The following TPM4 variants were observed in gnomAD, a reference collection of about 807,000 sequenced individuals.
TPM4 encodes tropomyosin 4, also known as tropomyosin alpha-4 chain.
A neutral mutation model predicts 35.8 loss-of-function variants in TPM4; 17 were observed. The observed-to-expected ratio is 0.47, with a 90% confidence interval of 0.32 to 0.71. The LOEUF is 0.71. TPM4 is among the 30% of genes least tolerant of loss of function. TPM4 has a pLI of 0.03. For missense variants in TPM4, 240 were observed against 320.9 expected, an observed-to-expected ratio of 0.75 and a Z score of 1.93; for synonymous variants, 120 against 122.9, an observed-to-expected ratio of 0.98 and a Z score of 0.15.
upstream of TPM4, among the ~76,000 whole-genome samples, chr19:16,072,014 G>A (rs974791069): frequency 2.6e-5 from 4 of 152,222 alleles, no homozygotes; most frequent in African/African-American, 7.2e-5. Context: ...TAAAGACGGG[G>A]TTTCACCATG....
intron 2 of TPM4, among the ~76,000 whole-genome samples, chr19:16,082,563 C>T (rs1376431609): frequency 4.6e-5 from 7 of 152,092 alleles, no homozygotes; most frequent in South Asian, 4.1e-4. Context: ...AAGAAACTTC[C>T]GACAGACAGA....
intron 2 of TPM4, among the ~76,000 whole-genome samples, chr19:16,069,469 G>A (rs1050188851): frequency 2.7e-3 from 11 of 4,060 alleles, no homozygotes; most frequent in Non-Finnish European, 4.8e-4. Flanking sequence ...GTGTGAATGT[G>A]TATGGATGAG....
intron 1 of TPM4, chr19:16,081,163 C>T: frequency 2.5e-6 from 1 of 397,878 alleles, no homozygotes; most frequent in Non-Finnish European, 4.4e-6. Flanking sequence ...ACTCACAGGA[C>T]ACAATGAGCC....
intron 7 of TPM4, chr19:16,095,651 C>A: frequency 1.0e-6 from 1 of 960,784 alleles, no homozygotes; most frequent in Non-Finnish European, 1.2e-6. Context: ...GAAAATTATG[C>A]CTACAGGATG....
intron 1 of TPM4, chr19:16,076,992 A>T: frequency 2.5e-6 from 1 of 402,560 alleles, no homozygotes; most frequent in Non-Finnish European, 3.8e-6. Flanking sequence ...CTCCGGGTGG[A>T]GAAGTGGAGC....
At chr19:16,082,193 A>C in intron 2 of TPM4, 147 bp downstream of exon 2, 1 of 1,130,524 alleles carries the variant, frequency 8.8e-7, no homozygotes, top group Non-Finnish European at 1.2e-6. Context: ...GCACTTTGTA[A>C]ACCATCACTC....
At chr19:16,085,357 G>A (rs572326948) in intron 2 of TPM4, among the ~76,000 whole-genome samples, 3 of 152,220 alleles carry the variant, frequency 2.0e-5, no homozygotes, top group East Asian at 1.9e-4. Flanking sequence ...GGGCTCAAGC[G>A]ATCCTCCTAC....
At position 16,070,585 on chromosome 19, in the gene TPM4, A is replaced by G. The variant is rs114347097; in HGVS notation, c.114+2847A>G. On this transcript the variant is annotated intron_variant, in intron 2 of 2. Transcript: ENST00000589897. The surrounding 1 kb of genome is among the most constrained non-coding windows in gnomAD (Gnocchi z 7.4). ...GTCGCTAGGTGTCCCGGACGCCTGCATGAGTGAGATACGGAAGTGACAGTA... is the reference window on the plus strand; with the variant it reads ...GTCGCTAGGTGTCCCGGACGCCTGCGTGAGTGAGATACGGAAGTGACAGTA... Among the ~76,000 whole-genome samples the G allele has an allele frequency of 7.9e-3, 1,204 of 152,286 alleles. 13 individuals carry two copies. Among genetic ancestry groups the G allele is most frequent in the African/African-American group, 0.028 (1,143 of 41,548 alleles).
chr19:16,082,113 C>A, intron 2 of TPM4, 67 bp downstream of exon 2: 1 of 1,535,734 alleles, frequency 6.5e-7, no homozygotes, highest in Non-Finnish European at 8.9e-7. Context: ...TGCTGCCGAC[C>A]TCGCAGAGCT....
chr19:16,082,069 G>A (rs1026362196), intron 2 of TPM4, 23 bp downstream of exon 2: 3 of 1,585,636 alleles, frequency 1.9e-6, no homozygotes, highest in Non-Finnish European at 2.6e-6. Flanking sequence ...TGAATCTGGT[G>A]GCATCCGTGT....
Position 16,076,607 on chromosome 19 carries a change from C to G in TPM4, c.42C>G (p.Ile14Met). 5 of 1,468,686 alleles carry G rather than the reference C, an allele frequency of 3.4e-6. No individual in the cohort carries two copies. The highest frequency in any genetic ancestry group is 3.6e-6 in the Non-Finnish European group (4 of 1,116,808). 91.0% of individuals were successfully genotyped at this position (1,468,686 alleles called of 1,614,324 possible). The change falls in exon 1 of 8, where the codon ATC (isoleucine) becomes ATG (methionine). Residue 14 changes from isoleucine (I) to methionine (M), a missense_variant. Coordinates refer to ENST00000643579, the MANE Select transcript of TPM4 (RefSeq NM_003290.3). Reference sequence around the variant, plus strand: ...CCCTGGAGGCGGTGAAACGCAAGATCCAGGCCCTGCAGCAGCAGGCGGACG... The same window carrying G: ...CCCTGGAGGCGGTGAAACGCAAGATGCAGGCCCTGCAGCAGCAGGCGGACG... Reference protein sequence around the residue: ...LNSLEAVKRKIQALQQQADEA... With the variant: ...LNSLEAVKRKMQALQQQADEA...
In TPM4 at chr19:16,067,624, C is replaced by T. The variant is rs745867717; in HGVS notation, c.-1C>T. On this transcript the variant is annotated 5_prime_UTR_variant, in exon 2 of 3. Transcript: ENST00000589897. This position sits in a 1 kb window ranked among gnomAD's most constrained non-coding sequence, Gnocchi z 4.1. ...CACGTCCCCCACGCCAGCGCCCAGC[C>T]ATGGAGGCCATCAAGAAGAAAATGC... 2.2e-5 allele frequency: 36 copies of T among 1,613,138 alleles called. No homozygotes were observed. Among genetic ancestry groups the T allele is most frequent in the Non-Finnish European group, 2.8e-5 (33 of 1,179,762 alleles).
At position 16,091,160 on chromosome 19, in the gene TPM4, C is replaced by T. The variant is rs532357603; in HGVS notation, c.531+2040C>T. 3.0e-4 allele frequency among the ~76,000 whole-genome samples: 46 copies of T among 152,290 alleles called. No individual in the cohort carries two copies. The South Asian group carries it at 9.5e-3, about 32-fold the overall frequency. On this transcript the variant is annotated intron_variant, in intron 5 of 7. Transcript: ENST00000643579. ...CTCCACCTCCTAGGCTCAAGCAATT[C>T]TCCTGCCTCAGCCTCCTGAGTAACT...
rs528461324 is a variant in TPM4, at chr19:16,080,519, G to T, written c.133-1394G>T. ...CCCAACACCACGTGGCTGTGAAAAT[G>T]ACAAAGCACGGTCGGGCGCAGTGGC... is the stretch of plus-strand genomic sequence containing the variant. On this transcript the variant is annotated intron_variant, in intron 1 of 7. Transcript: ENST00000643579. The T allele has an allele frequency of 5.6e-4, 108 of 192,316 alleles. 1 individual carries two copies. Among genetic ancestry groups the T allele is most frequent in the African/African-American group, 2.3e-3 (100 of 43,136 alleles). 11.9% of individuals were successfully genotyped at this position (192,316 alleles called of 1,614,324 possible).
intron 7 of TPM4, chr19:16,095,198 A>C: frequency 1.0e-6 from 1 of 998,630 alleles, no homozygotes; most frequent in Non-Finnish European, 1.2e-6. Context: ...GTGGCACTCC[A>C]TTCCGACCCT....
At chr19:16,081,614 T>A (rs564613165) in intron 1 of TPM4, 1 of 194,920 alleles carries the variant, frequency 5.1e-6, no homozygotes, top group East Asian at 1.1e-4. Flanking sequence ...CAGGATGGTC[T>A]CGATCTCTTG....
At chr19:16,076,482 C>T, upstream of TPM4, 3 of 1,330,430 alleles carry the variant, frequency 2.3e-6, no homozygotes, top group Non-Finnish European at 1.9e-6. Context: ...GCTTGGGGGG[C>T]CGGGGCGCGG....
chr19:16,073,966 A>AACACACAC (rs1568298151), upstream of TPM4, among the ~76,000 whole-genome samples: 4 of 140,808 alleles, frequency 2.8e-5, no homozygotes, highest in African/African-American at 7.7e-5. Flanking sequence ...AAAAACGCAA[A>AACACACAC]AAAAAAAAAT....
upstream of TPM4, chr19:16,076,414 C>A (rs2090405831): frequency 1.5e-6 from 2 of 1,353,852 alleles, no homozygotes; most frequent in South Asian, 1.9e-5. Context: ...CTCATCGCCC[C>A]GACGGCAGCC....
Sources: allele counts gnomAD v4.1 joint callset (sites outside exome capture counted in the v4.1 genomes callset), GRCh38; gene constraint gnomAD v4.1.1; non-coding constraint Gnocchi (gnomAD v3.1); transcripts MANE v1.5; gene names NCBI Gene and HGNC (gene_info 2026-07-23, HGNC 2026-07-21).